Variants in TRIM61 observed in about 807,000 individuals in gnomAD.
TRIM61 encodes the protein putative tripartite motif-containing protein 61.
A neutral mutation model predicts 14.2 loss-of-function variants in TRIM61; 1 was observed. That is an observed-to-expected ratio of 0.07 (90% confidence interval 0.03 to 0.33). The LOEUF (loss-of-function observed/expected upper bound fraction) is 0.33, where lower values mean the gene tolerates loss of function less well. TRIM61 is among the 10% of genes least tolerant of loss of function. The pLI, the probability that TRIM61 is intolerant of heterozygous loss-of-function variation, is 0.99. For missense variants in TRIM61, 19 were observed against 202.2 expected, an observed-to-expected ratio of 0.09 and a Z score of 5.49; for synonymous variants, 8 against 71.6, an observed-to-expected ratio of 0.11 and a Z score of 4.49.
chr4:164,966,097 G>C (rs1732233789), intron 3 of TRIM61, among the ~76,000 whole-genome samples: 1 of 152,214 alleles, frequency 6.6e-6, no homozygotes, highest in Non-Finnish European at 1.5e-5. Context: ...GGCTCCTTGA[G>C]AGTATTCTGC....
chr4:164,968,260 A>T, intron 3 of TRIM61, 21 bp downstream of exon 3: 1 of 971,416 alleles, frequency 1.0e-6, no homozygotes, highest in African/African-American at 1.8e-5. Context: ...AATCTTTCTT[A>T]AAGGAAAAGT....
At chr4:164,977,086 G>A (rs902466276) in intron 1 of TRIM61, among the ~76,000 whole-genome samples, 1 of 152,100 alleles carries the variant, frequency 6.6e-6, no homozygotes, top group Non-Finnish European at 1.5e-5. Context: ...TAACATGCCT[G>A]CACCTAAAGC....
At chr4:164,957,174 GC>G (rs1560881658) in intron 3 of TRIM61, 1 of 1,611,874 alleles carries the variant, frequency 6.2e-7, no homozygotes, top group Admixed American at 1.7e-5. Flanking sequence ...ACGCTGACCG[GC>G]GGCCGCCATG....
At chr4:164,960,504 G>A (rs1012312569) in intron 3 of TRIM61, among the ~76,000 whole-genome samples, 8 of 151,016 alleles carry the variant, frequency 5.3e-5, no homozygotes, top group South Asian at 4.2e-4. Flanking sequence ...GCAGTGAGCC[G>A]AGATGGCACC....
intron 3 of TRIM61, among the ~76,000 whole-genome samples, chr4:164,955,791 A>T (rs1731973896): frequency 6.6e-6 from 1 of 152,138 alleles, no homozygotes; most frequent in African/African-American, 2.4e-5. Context: ...ATGGAAGCAC[A>T]ATGCCTAGTC....
At chr4:164,969,131 T>C (rs1054617445) in intron 3 of TRIM61, 59 of 1,121,080 alleles carry the variant, frequency 5.3e-5, no homozygotes, top group Non-Finnish European at 6.0e-5. Flanking sequence ...TTGAAATCGC[T>C]TGATAATTTT....
intron 3 of TRIM61, 102 bp downstream of exon 3, chr4:164,968,179 G>GAA: frequency 1.0e-6 from 1 of 984,516 alleles, no homozygotes; most frequent in Non-Finnish European, 1.2e-6. Flanking sequence ...GAAAAGAAAA[G>GAA]AAAAAGAAAA....
chr4:164,968,809 A>G, intron 3 of TRIM61: 2 of 960,246 alleles, frequency 2.1e-6, no homozygotes, highest in Non-Finnish European at 2.5e-6. Context: ...GGCCCAATAC[A>G]ATATAATTAT....
At chr4:164,956,595 A>T (rs1560881291) in intron 3 of TRIM61, among the ~76,000 whole-genome samples, 2 of 152,194 alleles carry the variant, frequency 1.3e-5, no homozygotes, top group Admixed American at 1.3e-4. Flanking sequence ...ACAATATCTC[A>T]ATTATCATAG....
intron 3 of TRIM61, chr4:164,968,990 G>A: frequency 9.7e-7 from 1 of 1,035,438 alleles, no homozygotes; most frequent in Middle Eastern, 4.9e-4. Flanking sequence ...ACCCAGAACA[G>A]CTGGGAGGAG....
intron 2 of TRIM61, among the ~76,000 whole-genome samples, chr4:164,971,697 T>C (rs1172602644): frequency 6.6e-6 from 1 of 151,636 alleles, no homozygotes; most frequent in Non-Finnish European, 1.5e-5. Flanking sequence ...TTTCAATCTT[T>C]CTGTAAGTTT....
chr4:164,965,020 G>A (rs2111140711), intron 3 of TRIM61, among the ~76,000 whole-genome samples: 1 of 152,290 alleles, frequency 6.6e-6, no homozygotes, highest in South Asian at 2.1e-4. Flanking sequence ...GGGCGCAGTG[G>A]CTCACACCTG....
At chr4:164,960,160 G>A (rs1363925242) in intron 3 of TRIM61, among the ~76,000 whole-genome samples, 1 of 152,126 alleles carries the variant, frequency 6.6e-6, no homozygotes, top group African/African-American at 2.4e-5. Flanking sequence ...CTGGAGGCAT[G>A]GAAGAAATTC....
intron 3 of TRIM61, among the ~76,000 whole-genome samples, chr4:164,963,153 G>A (rs1735912652): frequency 6.6e-6 from 1 of 152,190 alleles, no homozygotes. Flanking sequence ...GGCTGAGGCA[G>A]AGAGTAGGAG....
chr4:164,975,982 T>C (rs181081420), intron 2 of TRIM61, among the ~76,000 whole-genome samples: 387 of 152,310 alleles, frequency 2.5e-3, no homozygotes, highest in African/African-American at 8.4e-3. Flanking sequence ...AGGCGAGACA[T>C]GTTTGCAGTA....
At chr4:164,963,077 C>T (rs1266082971) in intron 3 of TRIM61, among the ~76,000 whole-genome samples, 3 of 152,070 alleles carry the variant, frequency 2.0e-5, no homozygotes, top group Non-Finnish European at 4.4e-5. Context: ...AATCATAAAA[C>T]ATGCTTAACT....
intron 3 of TRIM61, among the ~76,000 whole-genome samples, chr4:164,967,852 G>A (rs1335157488): frequency 1.3e-5 from 2 of 151,026 alleles, no homozygotes; most frequent in Non-Finnish European, 3.0e-5. Context: ...AAAAAAAAAA[G>A]GCTGAAAGTA....
chr4:164,970,784 C>T (rs1732347568), intron 2 of TRIM61, among the ~76,000 whole-genome samples: 1 of 151,964 alleles, frequency 6.6e-6, no homozygotes, highest in Non-Finnish European at 1.5e-5. Context: ...ATCTTGAAAT[C>T]AAAACAAAAC....
intron 3 of TRIM61, chr4:164,968,757 T>C: frequency 7.1e-6 from 7 of 980,412 alleles, no homozygotes; most frequent in Non-Finnish European, 8.5e-6. Flanking sequence ...AAAATGCCAA[T>C]CTTACTAGGA....
Sources: allele counts gnomAD v4.1 joint callset (sites outside exome capture counted in the v4.1 genomes callset), GRCh38; gene constraint gnomAD v4.1.1; transcripts MANE v1.5; gene names NCBI Gene and HGNC (gene_info 2026-07-23, HGNC 2026-07-21).